Variants in RRH observed in about 807,000 individuals in gnomAD.
RRH encodes visual pigment-like receptor peropsin.
RRH carries 36 observed loss-of-function variants against 33.1 expected under a neutral mutation model. The observed-to-expected ratio is 1.09, with a 90% CI of 0.83 to 1.44. The LOEUF (loss-of-function observed/expected upper bound fraction) is 1.44, where lower values mean the gene tolerates loss of function less well. Among genes scored for constraint, RRH ranks in the 40% most tolerant of loss-of-function variants. RRH has a pLI of 0.00. For synonymous variants in RRH, 124 were observed against 140.2 expected (o/e 0.88, Z 0.82); for missense variants, 393 against 420.2 (o/e 0.94, Z 0.57).
chr4:109,835,672 C>T (rs966242613), intron 3 of RRH, among the ~76,000 whole-genome samples: 4 of 152,152 alleles, frequency 2.6e-5, no homozygotes, highest in Non-Finnish European at 4.4e-5. Context: ...CTTTGAGGTA[C>T]GGTCCAAGCC....
intron 5 of RRH, among the ~76,000 whole-genome samples, chr4:109,839,027 C>A (rs1477767019): frequency 1.4e-5 from 2 of 145,978 alleles, no homozygotes; most frequent in African/African-American, 5.6e-5. Context: ...GATATTTAAT[C>A]TGCTAGATTT....
chr4:109,842,337 C>A, intron 5 of RRH, 132 bp from the exon 6 acceptor site: 12 of 783,860 alleles, frequency 1.5e-5, no homozygotes, highest in East Asian at 3.3e-5. Flanking sequence ...AAAAACTCAA[C>A]TATTTCCTTT....
In RRH at chr4:109,844,763, T is replaced by C. The variant is rs540050206; in HGVS notation, c.*566T>C. Among the ~76,000 whole-genome samples, 2 of 152,332 alleles carry C rather than the reference T, an allele frequency of 1.3e-5. No individual in the cohort carries two copies. The highest frequency in any genetic ancestry group is 4.8e-5 in the African/African-American group (2 of 41,586). On this transcript the variant is annotated 3_prime_UTR_variant, in exon 7 of 7. Transcript: ENST00000317735. ...ATTATGACCCCTGTGCATATTTTGA[T>C]GTTTTCTGCAATTTTGAGTACCATT... is the stretch of plus-strand genomic sequence containing the variant.
At chr4:109,837,965 G>A (rs1733918429) in intron 5 of RRH, among the ~76,000 whole-genome samples, 1 of 152,118 alleles carries the variant, frequency 6.6e-6, no homozygotes, top group Admixed American at 6.5e-5. Flanking sequence ...TTTTAGTAGA[G>A]ATGGGGTTTC....
rs1579365495 is a variant in RRH, at chr4:109,842,512, C to G, written c.764C>G (p.Pro255Arg). The G allele has an allele frequency of 1.9e-6, 3 of 1,614,094 alleles. No homozygotes were observed. The highest frequency in any genetic ancestry group is 2.5e-6 in the Non-Finnish European group (3 of 1,180,016). Residue 255 changes from proline to arginine, a missense_variant, in exon 6 of 7, where the codon CCT (proline) becomes CGT (arginine). Transcript: ENST00000317735. ...TGCATGTTTCTGGTGGCATGGTCCC[C>G]TTATTCCATCGTGTGCTTATGGGCT... ...MICMFLVAWS[P>R]YSIVCLWASF...
chr4:109,833,797 A>G (rs1387453988), intron 2 of RRH, among the ~76,000 whole-genome samples: 1 of 151,986 alleles, frequency 6.6e-6, no homozygotes, highest in Non-Finnish European at 1.5e-5. Flanking sequence ...ATGAGTTAAT[A>G]TTAATTTGCC....
chr4:109,828,218 G>C, intron 1 of RRH, 85 bp downstream of exon 1: 1 of 937,598 alleles, frequency 1.1e-6, no homozygotes, highest in Non-Finnish European at 1.7e-6. Flanking sequence ...ATTGTTTCAA[G>C]TTCCATATTA....
chr4:109,831,007 AG>A (rs1733738802), intron 1 of RRH, among the ~76,000 whole-genome samples: 1 of 152,164 alleles, frequency 6.6e-6, no homozygotes. Flanking sequence ...TATACTCATT[AG>A]AAGACCTACA....
intron 2 of RRH, among the ~76,000 whole-genome samples, chr4:109,833,669 G>A (rs563120829): frequency 2.0e-5 from 3 of 152,190 alleles, no homozygotes; most frequent in Admixed American, 2.0e-4. Context: ...AAACAATAAA[G>A]TAGTGATTTA....
chr4:109,840,937 CATT>C (rs1023656538), intron 5 of RRH, among the ~76,000 whole-genome samples: 9 of 151,934 alleles, frequency 5.9e-5, no homozygotes, highest in Non-Finnish European at 1.2e-4. Flanking sequence ...CCACCATCAT[CATT>C]ATTATTATTT....
intron 5 of RRH, among the ~76,000 whole-genome samples, chr4:109,837,952 T>G (rs1024248714): frequency 2.6e-5 from 4 of 152,190 alleles, no homozygotes; most frequent in Non-Finnish European, 4.4e-5. Flanking sequence ...ATTTTTTTTG[T>G]ATTTTTAGTA....
At chr4:109,830,721 A>G (rs1733730616) in intron 1 of RRH, among the ~76,000 whole-genome samples, 1 of 152,208 alleles carries the variant, frequency 6.6e-6, no homozygotes, top group South Asian at 2.1e-4. Flanking sequence ...AGCCTTGGGT[A>G]TGAAGAAATT....
At position 109,839,809 on chromosome 4, in the gene RRH, A is replaced by G. The variant is rs531922119; in HGVS notation, c.720+2204A>G. Among the ~76,000 whole-genome samples, 6 of 152,300 alleles carry G rather than the reference A, an allele frequency of 3.9e-5. No individual in the cohort carries two copies. In the East Asian group the frequency reaches 1.2e-3, roughly 29 times the overall value. On this transcript the variant is annotated intron_variant, in intron 5 of 6. Coordinates refer to ENST00000317735, the MANE Select transcript of RRH (RefSeq NM_006583.5). ...CATGATCTCATTCCTTTATGGCTGT[A>G]TGGTATTCCATGGTGTATATGTACC...
intron 5 of RRH, among the ~76,000 whole-genome samples, chr4:109,841,038 C>T (rs1450126567): frequency 1.3e-5 from 2 of 152,086 alleles, no homozygotes; most frequent in Non-Finnish European, 2.9e-5. Context: ...CTATCTTGAG[C>T]TCAGTGAATT....
At chr4:109,840,059 A>G (rs1733957940) in intron 5 of RRH, among the ~76,000 whole-genome samples, 1 of 152,182 alleles carries the variant, frequency 6.6e-6, no homozygotes, top group African/African-American at 2.4e-5. Context: ...ATCTTCCACA[A>G]TGGTTGAACT....
intron 4 of RRH, among the ~76,000 whole-genome samples, chr4:109,836,620 T>C (rs1733889881): frequency 6.6e-6 from 1 of 152,202 alleles, no homozygotes; most frequent in South Asian, 2.1e-4. Flanking sequence ...CTGCAAAGAT[T>C]TGCCTGCTAG....
intron 6 of RRH, 70 bp downstream of exon 6, chr4:109,842,717 G>T: frequency 7.2e-7 from 1 of 1,382,982 alleles, no homozygotes. Flanking sequence ...GACTTCTTGG[G>T]AGAGAAGTGA....
At position 109,833,195 on chromosome 4, in the gene RRH, G is replaced by C; in HGVS notation, c.163G>C (p.Glu55Gln). Residue 55 changes from glutamate (E) to glutamine (Q), a missense_variant, in exon 2 of 7, where the codon GAA (glutamate) becomes CAA (glutamine). Transcript: ENST00000317735. Reference protein sequence around the residue: ...IVLGIFIKYKELRTPTNAIII... With the variant: ...IVLGIFIKYKQLRTPTNAIII... ...TCTGGGCATCTTCATTAAGTACAAG[G>C]AACTTCGGACACCCACAAATGCAAT... 1 of 1,613,806 alleles carries C rather than the reference G, an allele frequency of 6.2e-7. No homozygotes were observed. The highest frequency in any genetic ancestry group is 1.3e-5 in the African/African-American group (1 of 75,002).
chr4:109,838,532 C>G (rs1409835382), intron 5 of RRH, among the ~76,000 whole-genome samples: 1 of 151,558 alleles, frequency 6.6e-6, no homozygotes, highest in Non-Finnish European at 1.5e-5. Flanking sequence ...AGTTTATTTC[C>G]TCTGATTTGG....
Sources: gnomAD v4.1 joint callset for allele counts (sites outside exome capture counted in the v4.1 genomes callset) on GRCh38, gnomAD v4.1.1 for gene constraint, MANE v1.5 for transcripts, NCBI Gene and HGNC (gene_info 2026-07-23, HGNC 2026-07-21) for gene names.